Variants in NTM observed in about 807,000 individuals in gnomAD.
NTM encodes IgLON family member 2.
Under a neutral mutation model 42.1 loss-of-function variants are expected in NTM, and 13 were observed. That is an observed-to-expected ratio of 0.31 (90% CI 0.20 to 0.49). The LOEUF is 0.49. Among genes scored for constraint, NTM ranks in the 20% least tolerant of loss-of-function variants. The pLI is 0.99. For synonymous variants in NTM, 187 were observed against 179.2 expected (o/e 1.04, Z -0.35); for missense variants, 373 against 452.8 (o/e 0.82, Z 1.60).
chr11:131,558,134 C>T (rs1288735298), intron 1 of NTM, among the ~76,000 whole-genome samples: 1 of 152,188 alleles, frequency 6.6e-6, no homozygotes, highest in Non-Finnish European at 1.5e-5. Flanking sequence ...CCATTCTGTG[C>T]AAGGCGGATG....
At chr11:131,894,046 A>G (rs1469976593) in intron 1 of NTM, among the ~76,000 whole-genome samples, 1 of 152,212 alleles carries the variant, frequency 6.6e-6, no homozygotes, top group African/African-American at 2.4e-5. Flanking sequence ...AGGCTTTGCC[A>G]GTAGGAAAGA....
chr11:131,530,417 G>T (rs1270139211), intron 1 of NTM, among the ~76,000 whole-genome samples: 2 of 131,170 alleles, frequency 1.5e-5, no homozygotes, highest in African/African-American at 6.8e-5. Flanking sequence ...AAAGTTGAGT[G>T]CCTTTCTCAA....
intron 1 of NTM, among the ~76,000 whole-genome samples, chr11:131,420,730 G>A (rs961544145): frequency 2.6e-5 from 4 of 152,244 alleles, no homozygotes; most frequent in South Asian, 2.1e-4. Flanking sequence ...GGAAGTGGGT[G>A]GGCTCAGGAG....
chr11:131,940,364 G>A (rs1274988922), intron 2 of NTM, among the ~76,000 whole-genome samples: 1 of 152,212 alleles, frequency 6.6e-6, no homozygotes, highest in Non-Finnish European at 1.5e-5. Flanking sequence ...AGTGGGTGGT[G>A]CTTGTTGGAG....
At chr11:131,779,426 G>T (rs1830524701) in intron 1 of NTM, among the ~76,000 whole-genome samples, 1 of 152,096 alleles carries the variant, frequency 6.6e-6, no homozygotes, top group African/African-American at 2.4e-5. Flanking sequence ...ACTCATTCTT[G>T]TATTTCATTG....
chr11:131,895,897 T>C (rs112082987), intron 1 of NTM, among the ~76,000 whole-genome samples: 1,934 of 152,262 alleles, frequency 0.013, 45 homozygotes, highest in African/African-American at 0.043. Flanking sequence ...CTACACAGTT[T>C]GTGATATGCA....
At chr11:131,759,341 A>G (rs904201659) in intron 1 of NTM, among the ~76,000 whole-genome samples, 4 of 152,222 alleles carry the variant, frequency 2.6e-5, no homozygotes, top group South Asian at 2.1e-4. Flanking sequence ...TGCAAAACCA[A>G]TACCACAGAG....
At chr11:131,666,091 T>C in intron 1 of NTM, among the ~76,000 whole-genome samples, 1 of 152,196 alleles carries the variant, frequency 6.6e-6, no homozygotes, top group Non-Finnish European at 1.5e-5. Flanking sequence ...ATCAGTCTGT[T>C]GTATTTTTTT....
intron 1 of NTM, among the ~76,000 whole-genome samples, chr11:131,867,390 C>G (rs12289023): frequency 2.0e-5 from 3 of 151,136 alleles, no homozygotes; most frequent in Non-Finnish European, 4.4e-5. Context: ...TGTGTGTGAC[C>G]GTGTGTGTCT....
chr11:131,618,931 T>C (rs2062232202), intron 1 of NTM, among the ~76,000 whole-genome samples: 2 of 152,178 alleles, frequency 1.3e-5, no homozygotes, highest in Non-Finnish European at 2.9e-5. Flanking sequence ...ATCATAATTG[T>C]CTGGCATGTT....
intron 4 of NTM, among the ~76,000 whole-genome samples, chr11:132,285,381 G>A (rs562032275): frequency 6.6e-6 from 1 of 152,226 alleles, no homozygotes; most frequent in East Asian, 1.9e-4. Context: ...GTTGTTAATT[G>A]TCATGCACAT....
chr11:132,157,579 TG>T (rs773598860), intron 3 of NTM, among the ~76,000 whole-genome samples: 6 of 152,224 alleles, frequency 3.9e-5, no homozygotes, highest in Non-Finnish European at 5.9e-5. Context: ...AGCATTAAGC[TG>T]TGAGATTTGG....
chr11:131,384,713 T>C (rs1056754396), intron 1 of NTM, among the ~76,000 whole-genome samples: 1 of 151,814 alleles, frequency 6.6e-6, no homozygotes, highest in Non-Finnish European at 1.5e-5. Context: ...CAGAAAGAAG[T>C]CTTGAAAAGA....
At chr11:131,557,211 A>C (rs2055561485) in intron 1 of NTM, among the ~76,000 whole-genome samples, 1 of 152,176 alleles carries the variant, frequency 6.6e-6, no homozygotes. Flanking sequence ...CTAGGTTGCT[A>C]TGTATGTCTC....
At chr11:132,094,783 G>C (rs1336769977) in intron 2 of NTM, among the ~76,000 whole-genome samples, 1 of 152,144 alleles carries the variant, frequency 6.6e-6, no homozygotes, top group Non-Finnish European at 1.5e-5. Context: ...ATGATGAGAT[G>C]GCCCCCATAT....
chr11:131,784,868 T>C (rs2088855329), intron 1 of NTM, among the ~76,000 whole-genome samples: 1 of 152,234 alleles, frequency 6.6e-6, no homozygotes, highest in Non-Finnish European at 1.5e-5. Context: ...CCTGTATTAA[T>C]ATTTTCATCA....
chr11:132,179,226 C>A (rs147121119), intron 3 of NTM, among the ~76,000 whole-genome samples: 3 of 152,224 alleles, frequency 2.0e-5, no homozygotes, highest in Non-Finnish European at 4.4e-5. Context: ...TTGAGGAAGG[C>A]TCCTAGGAAT....
intron 1 of NTM, among the ~76,000 whole-genome samples, chr11:131,494,567 G>C (rs1955137430): frequency 1.3e-5 from 2 of 152,154 alleles, no homozygotes; most frequent in South Asian, 4.1e-4. Context: ...GCTATAACTG[G>C]GACAGTCTGG....
intron 1 of NTM, among the ~76,000 whole-genome samples, chr11:131,397,189 C>T (rs1162263447): frequency 2.6e-5 from 4 of 152,094 alleles, no homozygotes; most frequent in Non-Finnish European, 5.9e-5. Context: ...TCATTTTTGA[C>T]TCACTGTCTC....
Sources: allele counts gnomAD v4.1 joint callset (sites outside exome capture counted in the v4.1 genomes callset), GRCh38; gene constraint gnomAD v4.1.1; transcripts MANE v1.5; gene names NCBI Gene and HGNC (gene_info 2026-07-23, HGNC 2026-07-21).